RGS6: variants seen among roughly 807,000 people sequenced by gnomAD.
The protein encoded by RGS6 is regulator of G-protein signaling 6.
In RGS6, 30 loss-of-function variants were observed where a neutral mutation model predicts 78.5. The observed-to-expected ratio is 0.38, with a 90% CI of 0.29 to 0.52. The LOEUF is 0.52. Among genes scored for constraint, RGS6 ranks in the 20% least tolerant of loss-of-function variants. The probability of loss-of-function intolerance (pLI) is 0.85; values close to 1 mark genes in which losing one functional copy is unlikely to be tolerated. For missense variants in RGS6, 495 were observed against 609.7 expected, an observed-to-expected ratio of 0.81 and a Z score of 1.98; for synonymous variants, 206 against 206.0, an observed-to-expected ratio of 1.00 and a Z score of 0.00.
chr14:72,212,958 CT>C (rs2044545072), intron 2 of RGS6, among the ~76,000 whole-genome samples: 1 of 152,128 alleles, frequency 6.6e-6, no homozygotes, highest in South Asian at 2.1e-4. Flanking sequence ...CCACCTATCC[CT>C]TTTTAAAGTC....
chr14:72,622,434 A>G, the RGS6 span, among the ~76,000 whole-genome samples: 2 of 152,316 alleles, frequency 1.3e-5, no homozygotes, highest in East Asian at 3.9e-4. Flanking sequence ...TAGGGATAAT[A>G]CAAGGAGAAA....
chr14:72,371,690 G>A (rs2083544565), intron 3 of RGS6, among the ~76,000 whole-genome samples: 1 of 152,152 alleles, frequency 6.6e-6, no homozygotes, highest in Admixed American at 6.5e-5. Flanking sequence ...GAACCTGGGA[G>A]GCAGAGGTTG....
the RGS6 span, among the ~76,000 whole-genome samples, chr14:72,601,893 C>A: frequency 2.0e-5 from 3 of 152,380 alleles, no homozygotes; most frequent in Admixed American, 2.0e-4. Flanking sequence ...ACCTTCCTAG[C>A]TTTCTCTCCA....
intron 3 of RGS6, among the ~76,000 whole-genome samples, chr14:72,389,609 G>T (rs1312385231): frequency 6.6e-6 from 1 of 152,210 alleles, no homozygotes; most frequent in Non-Finnish European, 1.5e-5. Context: ...GCCTGAAACA[G>T]AGTCCAGGGA....
intron 2 of RGS6, among the ~76,000 whole-genome samples, chr14:72,192,155 T>A (rs116675112): frequency 1.4e-3 from 208 of 152,338 alleles, no homozygotes; most frequent in African/African-American, 4.9e-3. Context: ...TAATGGTCAT[T>A]TGATCTGATA....
chr14:72,240,191 C>T (rs1338866271), intron 2 of RGS6, among the ~76,000 whole-genome samples: 1 of 152,166 alleles, frequency 6.6e-6, no homozygotes, highest in Non-Finnish European at 1.5e-5. Flanking sequence ...TTGAGGGAAT[C>T]CTTTGAATAA....
At chr14:72,353,155 G>A (rs990956379) in intron 3 of RGS6, among the ~76,000 whole-genome samples, 3 of 152,162 alleles carry the variant, frequency 2.0e-5, no homozygotes, top group East Asian at 1.9e-4. Context: ...ACACAGTTAA[G>A]CAATGCTTAC....
the RGS6 span, among the ~76,000 whole-genome samples, chr14:71,889,644 G>A: frequency 6.6e-6 from 1 of 152,152 alleles, no homozygotes; most frequent in Non-Finnish European, 1.5e-5. Flanking sequence ...AGGGCGTAAG[G>A]TACAGAAAGG....
Position 72,518,397 on chromosome 14 carries a change from G to A in RGS6, c.1138G>A (p.Val380Met). Residue 380 changes from valine (V) to methionine (M), a missense_variant, in exon 15 of 18, where the codon GTG (valine) becomes ATG (methionine). Physicochemically the swap from Val to Met is conservative, Grantham distance 21. Coordinates refer to ENST00000553525, the MANE Select transcript of RGS6 (RefSeq NM_001204424.2). ...QDLKKQPLQDVAKRVEEIWQE... is the reference protein window; with the variant it reads ...QDLKKQPLQDMAKRVEEIWQE... ...TCTTAAGAAACAACCCCTACAGGAT[G>A]TGGCCAAGAGGGTAGAAGAAATCTG... 3 of 1,614,192 alleles carry A rather than the reference G, an allele frequency of 1.9e-6. No homozygotes were observed. The highest frequency in any genetic ancestry group is 2.5e-6 in the Non-Finnish European group (3 of 1,180,026).
intron 3 of RGS6, among the ~76,000 whole-genome samples, chr14:72,444,505 C>G (rs1026589281): frequency 1.3e-5 from 2 of 152,190 alleles, no homozygotes; most frequent in African/African-American, 2.4e-5. Context: ...ATTGCTTTAT[C>G]TTGGCTTTTT....
intron 2 of RGS6, among the ~76,000 whole-genome samples, chr14:72,213,613 C>G (rs1188654179): frequency 2.0e-5 from 3 of 152,168 alleles, no homozygotes; most frequent in African/African-American, 7.2e-5. Flanking sequence ...CTTAATGGCC[C>G]TTCCTGAGAC....
At chr14:71,912,711 G>T in the RGS6 span, among the ~76,000 whole-genome samples, 1 of 152,198 alleles carries the variant, frequency 6.6e-6, no homozygotes. Context: ...ACTGGACAGA[G>T]GACCAGTCTT....
intron 3 of RGS6, among the ~76,000 whole-genome samples, chr14:72,406,252 C>T (rs1360003902): frequency 6.6e-6 from 1 of 152,110 alleles, no homozygotes; most frequent in Non-Finnish European, 1.5e-5. Context: ...GGCGCAGTGG[C>T]ACACGCCTGT....
At chr14:72,470,345 T>C (rs966698002) in intron 8 of RGS6, among the ~76,000 whole-genome samples, 2 of 152,246 alleles carry the variant, frequency 1.3e-5, no homozygotes, top group Non-Finnish European at 2.9e-5. Flanking sequence ...TATAAGAAGG[T>C]GTACCTATTT....
chr14:71,972,723 TC>T (rs919573533), intron 2 of RGS6, among the ~76,000 whole-genome samples: 2 of 151,966 alleles, frequency 1.3e-5, no homozygotes, highest in African/African-American at 4.8e-5. Flanking sequence ...TGAACAGGAA[TC>T]CAGGTGAGGA....
chr14:72,474,309 CTT>C (rs1189979752), intron 9 of RGS6, among the ~76,000 whole-genome samples: 1 of 152,126 alleles, frequency 6.6e-6, no homozygotes, highest in Non-Finnish European at 1.5e-5. Context: ...ATCGTGGAGT[CTT>C]TTTCAAACGG....
chr14:72,582,247 G>A, the RGS6 span, among the ~76,000 whole-genome samples: 9 of 152,008 alleles, frequency 5.9e-5, no homozygotes, highest in Non-Finnish European at 1.3e-4. Context: ...CAAACCATAC[G>A]CAAAGCACAG....
At chr14:72,494,380 T>G (rs1021580776) in intron 12 of RGS6, among the ~76,000 whole-genome samples, 1 of 151,910 alleles carries the variant, frequency 6.6e-6, no homozygotes, top group Non-Finnish European at 1.5e-5. Context: ...AATAAAAAAA[T>G]CAGGAATAGA....
At chr14:71,948,734 CTCTCTCTTTTTTTT>C (rs1347606959) in intron 1 of RGS6, among the ~76,000 whole-genome samples, 1 of 57,226 alleles carries the variant, frequency 1.7e-5, no homozygotes, top group East Asian at 5.2e-4. Context: ...CTTTCTCTCT[CTCTCTCTTTTTTTT>C]TTTTTTTTTT....
Sources: allele counts gnomAD v4.1 joint callset (sites outside exome capture counted in the v4.1 genomes callset), GRCh38; gene constraint gnomAD v4.1.1; transcripts MANE v1.5; gene names NCBI Gene and HGNC (gene_info 2026-07-23, HGNC 2026-07-21).